Variants in CPNE4 observed in about 807,000 individuals in gnomAD.
CPNE4 encodes copine 4, also known as copine-4.
Under a neutral mutation model 67.9 loss-of-function variants are expected in CPNE4, and 25 were observed. That is an observed-to-expected ratio of 0.37 (90% CI 0.27 to 0.51). The LOEUF (loss-of-function observed/expected upper bound fraction) is 0.51, where lower values mean the gene tolerates loss of function less well. CPNE4 is among the 20% of genes least tolerant of loss of function. The probability of loss-of-function intolerance (pLI) is 0.93; values close to 1 mark genes in which losing one functional copy is unlikely to be tolerated. For missense variants in CPNE4, 464 were observed against 690.8 expected, an observed-to-expected ratio of 0.67 and a Z score of 3.68; for synonymous variants, 242 against 244.9, an observed-to-expected ratio of 0.99 and a Z score of 0.11.
intron 7 of CPNE4, among the ~76,000 whole-genome samples, chr3:131,644,538 C>T (rs3891970): frequency 0.15 from 22,609 of 152,058 alleles, 2,052 homozygotes; most frequent in African/African-American, 0.25. Context: ...ATGTTTTTGC[C>T]AACAGTTATT....
chr3:131,661,416 T>C (rs1191752661), intron 7 of CPNE4, among the ~76,000 whole-genome samples: 1 of 152,210 alleles, frequency 6.6e-6, no homozygotes, highest in Non-Finnish European at 1.5e-5. Context: ...AGAGAATATG[T>C]AGTTTTTCTC....
intron 6 of CPNE4, among the ~76,000 whole-genome samples, chr3:131,685,330 T>C (rs1042923240): frequency 1.9e-4 from 29 of 152,054 alleles, no homozygotes; most frequent in African/African-American, 6.8e-4. Context: ...AAGTTGCTAA[T>C]TGTCTGTTTT....
chr3:131,874,360 T>C (rs555811127), intron 2 of CPNE4, among the ~76,000 whole-genome samples: 1 of 152,192 alleles, frequency 6.6e-6, no homozygotes, highest in African/African-American at 2.4e-5. Flanking sequence ...AGTGCTGGGA[T>C]TACAGGCGTG....
intron 2 of CPNE4, among the ~76,000 whole-genome samples, chr3:131,859,514 C>A (rs1308089941): frequency 2.6e-5 from 4 of 152,124 alleles, no homozygotes; most frequent in African/African-American, 9.7e-5. Flanking sequence ...ACATTAGAAA[C>A]TTCTTGAGAG....
rs145842100 is a variant in CPNE4 at position 131,897,189 on chromosome 3, G to T, written c.180+8075C>A. On this transcript the variant is annotated intron_variant, in intron 2 of 15. Transcript: ENST00000429747. The stretch of plus-strand genomic sequence containing the variant: ...CCACAGAGAACTGGATGAGAGAGGT[G>T]CAGTGTCATGAAGACAACATGGGTA... 1.1e-3 allele frequency among the ~76,000 whole-genome samples: 175 copies of T among 152,176 alleles called. 1 individual carries two copies. The highest frequency in any genetic ancestry group is 4.1e-3 in the African/African-American group (170 of 41,546).
intron 3 of CPNE4, among the ~76,000 whole-genome samples, chr3:131,721,047 T>A (rs2081870517): frequency 6.6e-6 from 1 of 152,206 alleles, no homozygotes; most frequent in Non-Finnish European, 1.5e-5. Flanking sequence ...CTGATGCCAG[T>A]CTCCCAATGC....
chr3:131,867,421 G>A (rs780007852), intron 2 of CPNE4, among the ~76,000 whole-genome samples: 2 of 152,202 alleles, frequency 1.3e-5, no homozygotes, highest in African/African-American at 4.8e-5. Context: ...TATAGCCAAA[G>A]AGTGGCCAAT....
At chr3:131,651,659 T>G (rs1455445328) in intron 7 of CPNE4, among the ~76,000 whole-genome samples, 1 of 152,190 alleles carries the variant, frequency 6.6e-6, no homozygotes, top group African/African-American at 2.4e-5. Context: ...CTCAGCTCTC[T>G]GATTTTCAGT....
In CPNE4 at chr3:131,581,626, T is replaced by C. The variant is rs1317834948; in HGVS notation, c.820A>G (p.Lys274Glu). The C allele has an allele frequency of 6.2e-7, 1 of 1,613,646 alleles. No homozygotes were observed. The highest frequency in any genetic ancestry group is 8.5e-7 in the Non-Finnish European group (1 of 1,179,708). Residue 274 changes from lysine (K) to glutamate (E), a missense_variant, in exon 9 of 16, where the codon AAG (lysine) becomes GAG (glutamate). Lys to Glu is a moderately conservative substitution (Grantham distance 56). This residue lies in a region of CPNE4 where 201 missense variants were observed against 357.7 expected (regional missense o/e 0.56). Coordinates refer to ENST00000429747, the MANE Select transcript of CPNE4 (RefSeq NM_130808.3). The part of the protein sequence containing the change: ...ECINPKYKAK[K>E]KNYKNSGTVI... ...GTGCCTGAGTTCTTGTAATTCTTCT[T>C]CTTGGCTTTGTACTTGGGATTGATG...
At chr3:131,596,283 G>A (rs1371449016) in intron 7 of CPNE4, among the ~76,000 whole-genome samples, 1 of 152,178 alleles carries the variant, frequency 6.6e-6, no homozygotes, top group Non-Finnish European at 1.5e-5. Flanking sequence ...CATCAAGTAT[G>A]TGCAATTCTT....
At chr3:131,912,252 A>G (rs774356035) in intron 1 of CPNE4, among the ~76,000 whole-genome samples, 1 of 152,164 alleles carries the variant, frequency 6.6e-6, no homozygotes, top group Non-Finnish European at 1.5e-5. Context: ...AACAGGAAAA[A>G]CTGATCCTGA....
rs191003547 is a variant in CPNE4 at position 131,891,536 on chromosome 3, T to C, written c.180+13728A>G. 5.6e-3 allele frequency among the ~76,000 whole-genome samples: 857 copies of C among 152,112 alleles called. 2 individuals are homozygous for C. The highest frequency in any genetic ancestry group is 0.02 in the South Asian group (94 of 4,806). On this transcript the variant is annotated intron_variant, in intron 2 of 15. Transcript: ENST00000429747. ...TTCATCACCCAGGTATTAAGCCTAGTACCCATTAGTTATTTTTCCTTATCC... is the reference window on the plus strand; with the variant it reads ...TTCATCACCCAGGTATTAAGCCTAGCACCCATTAGTTATTTTTCCTTATCC...
chr3:131,626,727 A>T (rs9784309), intron 7 of CPNE4, among the ~76,000 whole-genome samples: 3 of 152,082 alleles, frequency 2.0e-5, no homozygotes, highest in African/African-American at 7.3e-5. Context: ...ACAAATTTTC[A>T]ATATAGACAA....
At chr3:131,789,110 TG>T (rs1267521113) in intron 2 of CPNE4, among the ~76,000 whole-genome samples, 6 of 152,004 alleles carry the variant, frequency 3.9e-5, no homozygotes, top group Admixed American at 1.3e-4. Context: ...CACCTGGTCC[TG>T]GGTGTTTACC....
Position 131,991,519 on chromosome 3 carries a change from G to A in CPNE4, c.-2+43048C>T, listed in dbSNP as rs1252800565. ...GATCTGTGGAACTTTGAACTTGAGA[G>A]AAATGATTAGGATATCTAGTGGAAG... is the stretch of plus-strand genomic sequence containing the variant. On this transcript the variant is annotated intron_variant, in intron 1 of 15. Transcript: ENST00000429747. 1.5e-5 allele frequency among the ~76,000 whole-genome samples: 2 copies of A among 135,938 alleles called. 1 individual carries two copies. Among genetic ancestry groups the A allele is most frequent in the African/African-American group, 4.9e-5 (2 of 40,662 alleles). 89.2% of individuals were successfully genotyped at this position (135,938 alleles called of 152,430 possible).
intron 6 of CPNE4, among the ~76,000 whole-genome samples, chr3:131,679,546 C>T (rs2080682415): frequency 6.6e-6 from 1 of 152,012 alleles, no homozygotes; most frequent in South Asian, 2.1e-4. Context: ...ATCTTTCTAG[C>T]TTTTTGATTG....
chr3:131,951,737 A>T (rs2071730257), intron 1 of CPNE4, among the ~76,000 whole-genome samples: 1 of 152,024 alleles, frequency 6.6e-6, no homozygotes, highest in Non-Finnish European at 1.5e-5. Flanking sequence ...TGGTTTTCGT[A>T]TTTTTTTGGT....
intron 15 of CPNE4, among the ~76,000 whole-genome samples, chr3:131,539,349 C>T (rs900065899): frequency 6.6e-6 from 1 of 152,210 alleles, no homozygotes; most frequent in Admixed American, 6.5e-5. Context: ...CTCCAAGGCT[C>T]TGTCTTTCCT....
intron 1 of CPNE4, among the ~76,000 whole-genome samples, chr3:131,982,184 T>A (rs2107638090): frequency 6.6e-6 from 1 of 152,352 alleles, no homozygotes; most frequent in East Asian, 1.9e-4. Context: ...CTACATTGCT[T>A]GACTTCATTT....
Sources: allele counts gnomAD v4.1 joint callset (sites outside exome capture counted in the v4.1 genomes callset), GRCh38; gene constraint gnomAD v4.1.1; regional missense constraint gnomAD v4.1.1; transcripts MANE v1.5; gene names NCBI Gene and HGNC (gene_info 2026-07-23, HGNC 2026-07-21).